ME3: variants seen among roughly 807,000 people sequenced by gnomAD.
ME3 encodes the protein NADP-dependent malic enzyme, mitochondrial.
A neutral mutation model predicts 68.9 loss-of-function variants in ME3; 48 were observed. That is an observed-to-expected ratio of 0.70 (90% confidence interval 0.55 to 0.89). The LOEUF is 0.89. ME3 is among the 40% of genes least tolerant of loss of function. The pLI, the probability that ME3 is intolerant of heterozygous loss-of-function variation, is 0.00. For missense variants in ME3, 675 were observed against 797.4 expected, an observed-to-expected ratio of 0.85 and a Z score of 1.85; for synonymous variants, 320 against 318.8, an observed-to-expected ratio of 1.00 and a Z score of -0.04.
At chr11:86,518,404 C>T (rs1237215766) in intron 4 of ME3, among the ~76,000 whole-genome samples, 2 of 152,160 alleles carry the variant, frequency 1.3e-5, no homozygotes, top group African/African-American at 2.4e-5. Flanking sequence ...CGCTTATCAT[C>T]GGCCACCTGT....
chr11:86,545,929 G>A (rs12793707), intron 4 of ME3, among the ~76,000 whole-genome samples: 25,223 of 152,148 alleles, frequency 0.17, 2,283 homozygotes, highest in African/African-American at 0.24. Flanking sequence ...CAAGGCTTCA[G>A]TAACCAAAAT....
At chr11:86,541,164 G>A (rs969396759) in intron 4 of ME3, among the ~76,000 whole-genome samples, 17 of 152,284 alleles carry the variant, frequency 1.1e-4, no homozygotes, top group Admixed American at 3.3e-4. Flanking sequence ...GATTCCTTCC[G>A]GTGCCTACAC....
intron 2 of ME3, among the ~76,000 whole-genome samples, chr11:86,605,014 A>G (rs944714387): frequency 6.6e-6 from 1 of 152,144 alleles, no homozygotes; most frequent in Non-Finnish European, 1.5e-5. Context: ...CATTTCTCCT[A>G]TTCCCTAAGC....
chr11:86,566,564 A>G (rs1957489936), intron 2 of ME3, among the ~76,000 whole-genome samples: 1 of 152,166 alleles, frequency 6.6e-6, no homozygotes, highest in Non-Finnish European at 1.5e-5. Flanking sequence ...GTTCTAAAGA[A>G]GAGACTTTAA....
intron 2 of ME3, among the ~76,000 whole-genome samples, chr11:86,614,339 T>G (rs764026031): frequency 3.3e-5 from 5 of 152,212 alleles, no homozygotes; most frequent in Non-Finnish European, 5.9e-5. Flanking sequence ...TCACCACTTA[T>G]GTAGAAATTA....
intron 8 of ME3, among the ~76,000 whole-genome samples, chr11:86,459,604 T>C (rs1037480134): frequency 3.3e-5 from 5 of 152,202 alleles, no homozygotes; most frequent in African/African-American, 9.6e-5. Context: ...CTGACCATTC[T>C]GGTGGTACTA....
In ME3 at chr11:86,596,984, C is replaced by A. The variant is rs143639164; in HGVS notation, c.184-37161G>T. 9.7e-4 allele frequency among the ~76,000 whole-genome samples: 147 copies of A among 152,314 alleles called. 1 individual carries two copies. Among genetic ancestry groups the A allele is most frequent in the Non-Finnish European group, 1.9e-3 (126 of 68,030 alleles). On this transcript the variant is annotated intron_variant, in intron 2 of 14. Transcript: ENST00000543262. ...GGTCATAGAGGGAAGCCTCTGACAACAGGCAGCTGGAAAAAGTCTGGCTGA... is the reference window on the plus strand; with the variant it reads ...GGTCATAGAGGGAAGCCTCTGACAAAAGGCAGCTGGAAAAAGTCTGGCTGA...
chr11:86,543,239 G>A (rs1187372924), intron 4 of ME3, among the ~76,000 whole-genome samples: 1 of 152,156 alleles, frequency 6.6e-6, no homozygotes, highest in Non-Finnish European at 1.5e-5. Context: ...TGAACAAACT[G>A]CATCAACTAA....
chr11:86,670,006 G>A (rs1946819422), intron 2 of ME3, among the ~76,000 whole-genome samples: 1 of 152,120 alleles, frequency 6.6e-6, no homozygotes, highest in Non-Finnish European at 1.5e-5. Flanking sequence ...TTTACTGTGA[G>A]GATCTATATT....
At chr11:86,582,545 A>G (rs1958500480) in intron 2 of ME3, among the ~76,000 whole-genome samples, 1 of 152,226 alleles carries the variant, frequency 6.6e-6, no homozygotes, top group Non-Finnish European at 1.5e-5. Context: ...ATATCTCAAT[A>G]GAAATTCAAT....
intron 4 of ME3, among the ~76,000 whole-genome samples, chr11:86,531,877 A>C (rs1305285809): frequency 2.6e-5 from 4 of 152,050 alleles, no homozygotes; most frequent in Non-Finnish European, 5.9e-5. Flanking sequence ...CCTAATATTA[A>C]ATGACGAGTT....
At chr11:86,670,191 A>AT (rs1946831843) in intron 2 of ME3, among the ~76,000 whole-genome samples, 1 of 152,210 alleles carries the variant, frequency 6.6e-6, no homozygotes, top group Non-Finnish European at 1.5e-5. Flanking sequence ...GGCGTCAGAG[A>AT]AAGGGTATTT....
chr11:86,609,065 A>G (rs935068829), intron 2 of ME3, among the ~76,000 whole-genome samples: 7 of 152,192 alleles, frequency 4.6e-5, no homozygotes, highest in African/African-American at 1.7e-4. Context: ...AGTTAGCACC[A>G]TTTTACAGAC....
At chr11:86,473,925 G>A (rs1950918429) in intron 7 of ME3, among the ~76,000 whole-genome samples, 1 of 152,212 alleles carries the variant, frequency 6.6e-6, no homozygotes, top group Non-Finnish European at 1.5e-5. Context: ...GTATGGCTTT[G>A]AGGCAAAAGC....
intron 2 of ME3, among the ~76,000 whole-genome samples, chr11:86,604,722 T>C (rs1229854941): frequency 6.6e-6 from 1 of 151,932 alleles, no homozygotes; most frequent in Non-Finnish European, 1.5e-5. Flanking sequence ...ATAGAAAGTG[T>C]GAGTAATTTG....
At chr11:86,634,146 G>T (rs909045519) in intron 2 of ME3, among the ~76,000 whole-genome samples, 1 of 152,206 alleles carries the variant, frequency 6.6e-6, no homozygotes, top group Non-Finnish European at 1.5e-5. Context: ...AGAAGGAAGA[G>T]TAGAGGGAGG....
chr11:86,549,960 G>A (rs1379090632), intron 4 of ME3, among the ~76,000 whole-genome samples: 2 of 152,084 alleles, frequency 1.3e-5, no homozygotes, highest in African/African-American at 4.8e-5. Context: ...TGGAAAATAC[G>A]GGATGCAGAT....
At position 86,508,696 on chromosome 11, in the gene ME3, G is replaced by A. The variant is rs1451014610; in HGVS notation, c.543+96C>T. On this transcript the variant is annotated intron_variant, in intron 5 of 14. Coordinates refer to ENST00000543262, the Ensembl canonical transcript of ME3. ...TGGGAGGTAGTATGCTGCCTTCAGT[G>A]TCATAATGGCTCATTTTATAGATGG... 17 of 1,183,620 alleles carry A rather than the reference G, an allele frequency of 1.4e-5. No homozygotes were observed. In the South Asian group the frequency reaches 1.6e-4, roughly 11 times the overall value. The allele number at this position is 1,183,620 out of a possible 1,614,324, so 73.3% of individuals were successfully genotyped here. A position where few individuals can be genotyped will look rare whatever the true frequency, so the allele number is the denominator to read the frequency against.
chr11:86,441,801 CAA>C (rs1173535299), intron 14 of ME3, among the ~76,000 whole-genome samples: 1 of 152,038 alleles, frequency 6.6e-6, no homozygotes, highest in Non-Finnish European at 1.5e-5. Context: ...TAAAATTAGA[CAA>C]GAGGCAAATG....
Sources: gnomAD v4.1 joint callset for allele counts (sites outside exome capture counted in the v4.1 genomes callset) on GRCh38, gnomAD v4.1.1 for gene constraint, MANE v1.5 for transcripts, NCBI Gene and HGNC (gene_info 2026-07-23, HGNC 2026-07-21) for gene names.